Variants in ALDH1A1 observed in about 807,000 individuals in gnomAD.
ALDH1A1 encodes the protein aldehyde dehydrogenase 1A1.
A neutral mutation model predicts 62.1 loss-of-function variants in ALDH1A1; 19 were observed. The ratio of observed to expected loss-of-function variants is 0.31; its 90% CI spans 0.21 to 0.45. ALDH1A1 has a LOEUF of 0.45. Ranked by LOEUF, ALDH1A1 falls within the 20% of genes least tolerant of loss-of-function variation. The probability of loss-of-function intolerance (pLI) is 1.00; values close to 1 mark genes in which losing one functional copy is unlikely to be tolerated. For synonymous variants in ALDH1A1, 231 were observed against 215.9 expected (o/e 1.07, Z -0.61); for missense variants, 521 against 607.1 (o/e 0.86, Z 1.49).
At chr9:72,946,660 A>C (rs116480245) in intron 1 of ALDH1A1, among the ~76,000 whole-genome samples, 1 of 151,976 alleles carries the variant, frequency 6.6e-6, no homozygotes, top group Non-Finnish European at 1.5e-5. Flanking sequence ...ACATGGTTCT[A>C]TGTTGTCACT....
intron 1 of ALDH1A1, among the ~76,000 whole-genome samples, chr9:72,949,097 C>T (rs1004042318): frequency 1.3e-5 from 2 of 151,846 alleles, no homozygotes; most frequent in South Asian, 2.1e-4. Flanking sequence ...TAACCAAAAT[C>T]GATTCCATAG....
intron 5 of ALDH1A1, 52 bp from the exon 6 acceptor site, chr9:72,925,664 G>T (rs1469570937): frequency 3.8e-6 from 6 of 1,583,574 alleles, no homozygotes; most frequent in Admixed American, 1.8e-5. Context: ...AGGCATATTT[G>T]CTAATCCAAC....
At chr9:72,923,625 C>A (rs983757570) in intron 7 of ALDH1A1, among the ~76,000 whole-genome samples, 5 of 151,970 alleles carry the variant, frequency 3.3e-5, no homozygotes, top group Non-Finnish European at 7.4e-5. Flanking sequence ...AAAGACAACC[C>A]CAAATAAGGT....
Position 72,914,521 on chromosome 9 carries a change from C to T in ALDH1A1, c.1035+2399G>A, listed in dbSNP as rs572085207. Among the ~76,000 whole-genome samples the T allele has an allele frequency of 2.0e-5, 3 of 152,218 alleles. No homozygotes were observed. The East Asian group carries it at 5.8e-4, about 29-fold the overall frequency. On this transcript the variant is annotated intron_variant, in intron 9 of 12. Transcript: ENST00000297785. The stretch of plus-strand genomic sequence containing the variant: ...GTTTAAATCCTATATAACTGTAACT[C>T]CAAAGTCCATCTTTCCACACTATTA...
chr9:72,902,011 G>T (rs1388656052), intron 12 of ALDH1A1, among the ~76,000 whole-genome samples: 1 of 151,954 alleles, frequency 6.6e-6, no homozygotes, highest in East Asian at 1.9e-4. Flanking sequence ...ATGATAGATT[G>T]GTCTAAATTC....
chr9:72,935,366 C>T (rs1436017913), intron 2 of ALDH1A1, among the ~76,000 whole-genome samples: 2 of 152,128 alleles, frequency 1.3e-5, no homozygotes, highest in Non-Finnish European at 2.9e-5. Flanking sequence ...GTAAGGGCCA[C>T]AAGCTGAATG....
In ALDH1A1 at chr9:72,909,155, CTT is replaced by C. The variant is rs5898281; in HGVS notation, c.1358+445_1358+446del. On this transcript the variant is annotated intron_variant, in intron 11 of 12. Transcript: ENST00000297785. ...CCTCCCTAAAGTTCTTCCAATACAG[CTT>C]TTTTTTTTTTTTTTTTTTTTTGAGA... is the stretch of plus-strand genomic sequence containing the variant. Among the ~76,000 whole-genome samples the C allele has an allele frequency of 9.3e-3, 700 of 75,586 alleles. 2 individuals carry two copies. The highest frequency in any genetic ancestry group is 0.076 in the East Asian group (167 of 2,194). 49.6% of individuals were successfully genotyped at this position (75,586 alleles called of 152,430 possible).
intron 11 of ALDH1A1, among the ~76,000 whole-genome samples, chr9:72,908,560 A>AAAAGAAAG (rs1829922485): frequency 7.3e-4 from 6 of 8,194 alleles, no homozygotes; most frequent in African/African-American, 1.5e-3. Flanking sequence ...AAGAAGAAAG[A>AAAAGAAAG]AAGAAAGAAA....
intron 1 of ALDH1A1, among the ~76,000 whole-genome samples, chr9:72,941,432 T>G (rs2118569609): frequency 6.6e-6 from 1 of 152,280 alleles, no homozygotes; most frequent in South Asian, 2.1e-4. Flanking sequence ...CTGAATATAA[T>G]TCATTCTATA....
At chr9:72,945,432 G>A (rs1290290339) in intron 1 of ALDH1A1, among the ~76,000 whole-genome samples, 1 of 151,902 alleles carries the variant, frequency 6.6e-6, no homozygotes, top group Non-Finnish European at 1.5e-5. Context: ...AATGCACAAA[G>A]AATTTCTTTT....
At chr9:72,902,966 T>TAA (rs35186484) in intron 12 of ALDH1A1, among the ~76,000 whole-genome samples, 1 of 142,326 alleles carries the variant, frequency 7.0e-6, no homozygotes, top group African/African-American at 2.6e-5. Context: ...GTCCACACTG[T>TAA]AAAAAAAAAA....
intron 6 of ALDH1A1, among the ~76,000 whole-genome samples, chr9:72,924,939 T>C (rs371316644): frequency 9.2e-5 from 14 of 152,336 alleles, no homozygotes; most frequent in African/African-American, 3.4e-4. Context: ...TTACATGTTC[T>C]TTTACTGTTT....
chr9:72,902,760 C>T (rs1252612176), intron 12 of ALDH1A1, among the ~76,000 whole-genome samples: 2 of 151,840 alleles, frequency 1.3e-5, no homozygotes, highest in Non-Finnish European at 2.9e-5. Context: ...CGACATAGCC[C>T]CAAACATCTG....
chr9:72,930,416 A>G (rs1830266107), intron 3 of ALDH1A1, among the ~76,000 whole-genome samples: 1 of 152,206 alleles, frequency 6.6e-6, no homozygotes, highest in African/African-American at 2.4e-5. Flanking sequence ...CATTTATTAA[A>G]TATCTTAGCG....
At chr9:72,906,787 G>A (rs1042737658) in intron 11 of ALDH1A1, among the ~76,000 whole-genome samples, 19 of 152,202 alleles carry the variant, frequency 1.2e-4, no homozygotes, top group Non-Finnish European at 8.8e-5. Context: ...CTCATTATAC[G>A]CAAGAGAAAA....
At chr9:72,911,845 G>A (rs145863014) in intron 10 of ALDH1A1, 113 bp downstream of exon 10, 15 of 1,234,058 alleles carry the variant, frequency 1.2e-5, no homozygotes, top group Admixed American at 3.8e-5. Context: ...AAAGAGTAAG[G>A]TTTAGAGGGA....
At chr9:72,920,274 A>G (rs763503705) in intron 7 of ALDH1A1, among the ~76,000 whole-genome samples, 1 of 152,148 alleles carries the variant, frequency 6.6e-6, no homozygotes, top group Non-Finnish European at 1.5e-5. Context: ...TCAAACCCCT[A>G]AAAGATTAAT....
At chr9:72,950,607 A>G (rs1404641794) in intron 1 of ALDH1A1, among the ~76,000 whole-genome samples, 4 of 151,872 alleles carry the variant, frequency 2.6e-5, no homozygotes, top group African/African-American at 9.7e-5. Context: ...AGCAGTCCCA[A>G]GCTTGAGAGT....
Position 72,905,137 on chromosome 9 carries a change from G to A in ALDH1A1, c.1433+821C>T, listed in dbSNP as rs12347296. 4.9e-4 allele frequency among the ~76,000 whole-genome samples: 75 copies of A among 152,026 alleles called. 1 individual carries two copies. The highest frequency in any genetic ancestry group is 6.6e-4 in the Admixed American group (10 of 15,250). ...CTAATTACAAAATGAGCAAGTTTAC[G>A]ATCTGTGTTTGATACTATAAGGTTT... On this transcript the variant is annotated intron_variant, in intron 12 of 12. Coordinates refer to ENST00000297785, the MANE Select transcript of ALDH1A1 (RefSeq NM_000689.5).
Sources: allele counts gnomAD v4.1 joint callset (sites outside exome capture counted in the v4.1 genomes callset), GRCh38; gene constraint gnomAD v4.1.1; transcripts MANE v1.5; gene names NCBI Gene and HGNC (gene_info 2026-07-23, HGNC 2026-07-21).